USP24: variants seen among roughly 807,000 people sequenced by gnomAD.
USP24 encodes the protein ubiquitin specific peptidase 24.
USP24 carries 97 observed loss-of-function variants against 361.6 expected under a neutral mutation model. That is an observed-to-expected ratio of 0.27 (90% CI 0.23 to 0.32). The LOEUF (loss-of-function observed/expected upper bound fraction) is 0.32, where lower values mean the gene tolerates loss of function less well. USP24 is among the 10% of genes least tolerant of loss of function. USP24 has a pLI of 1.00. For missense variants in USP24, 2,353 were observed against 3,165.6 expected (o/e 0.74, Z 6.16); for synonymous variants, 1,098 against 1,124.6 (o/e 0.98, Z 0.47).
In USP24 at chr1:55,094,484, G is replaced by A. The variant is rs139305973; in HGVS notation, c.6204-397C>T. Among the ~76,000 whole-genome samples, 59 of 152,118 alleles carry A rather than the reference G, an allele frequency of 3.9e-4. 1 individual carries two copies. The highest frequency in any genetic ancestry group is 1.3e-3 in the African/African-American group (55 of 41,514). On this transcript the variant is annotated intron_variant, in intron 51 of 67. Coordinates refer to ENST00000294383, the MANE Select transcript of USP24 (RefSeq NM_015306.3). Reference sequence around the variant, plus strand: ...ATCTTAGAGCCACACACTCAAAGTCGTGTAAGAACAAAGTATTGAACCAAG... The same window carrying A: ...ATCTTAGAGCCACACACTCAAAGTCATGTAAGAACAAAGTATTGAACCAAG...
intron 32 of USP24, among the ~76,000 whole-genome samples, chr1:55,126,060 T>C (rs1315667392): frequency 1.3e-5 from 2 of 152,230 alleles, no homozygotes; most frequent in Non-Finnish European, 2.9e-5. Context: ...AATCCTTCAA[T>C]GGTTTCCTAT....
intron 16 of USP24, chr1:55,152,033 C>G (rs1266820486): frequency 1.0e-6 from 1 of 977,296 alleles, no homozygotes; most frequent in Non-Finnish European, 1.2e-6. Flanking sequence ...ATAATTCACC[C>G]CCCTGCCTGG....
chr1:55,104,218 G>A (rs1645714180), intron 41 of USP24, among the ~76,000 whole-genome samples, 198 bp from the exon 42 acceptor site: 1 of 152,188 alleles, frequency 6.6e-6, no homozygotes, highest in East Asian at 1.9e-4. Context: ...TTGGCCTGAT[G>A]ATAAAGTAGT....
chr1:55,212,313 C>T (rs1453152186), intron 1 of USP24, among the ~76,000 whole-genome samples: 4 of 152,206 alleles, frequency 2.6e-5, no homozygotes, highest in South Asian at 2.1e-4. Context: ...TTTCTCCTTA[C>T]TATCCATACT....
At chr1:55,083,667 C>T in intron 57 of USP24, 105 bp downstream of exon 57, 1 of 865,682 alleles carries the variant, frequency 1.2e-6, no homozygotes, top group Non-Finnish European at 1.8e-6. Context: ...TAGGAAGAAA[C>T]ATCATAAAAA....
In USP24 at chr1:55,196,556, T is replaced by C. The variant is rs886464599; in HGVS notation, c.324+18234A>G. ...TATATTACCCCTGTTAAGAACAGTT[T>C]AATGGTTTAAGTGCTATCTCTAAGT... is the stretch of plus-strand genomic sequence containing the variant. On this transcript the variant is annotated intron_variant, in intron 1 of 67. Coordinates refer to ENST00000294383, the MANE Select transcript of USP24 (RefSeq NM_015306.3). 9.2e-5 allele frequency among the ~76,000 whole-genome samples: 14 copies of C among 152,292 alleles called. No homozygotes were observed. In the East Asian group the frequency reaches 2.7e-3, roughly 29 times the overall value.
chr1:55,103,501 TG>T (rs1221971367), intron 42 of USP24, among the ~76,000 whole-genome samples: 3 of 152,240 alleles, frequency 2.0e-5, no homozygotes, highest in Non-Finnish European at 2.9e-5. Context: ...CAATAAATTT[TG>T]GTTGAATTTA....
chr1:55,096,872 A>G, intron 49 of USP24, 80 bp downstream of exon 49: 1 of 1,504,292 alleles, frequency 6.6e-7, no homozygotes. Flanking sequence ...GTGTCCCTGC[A>G]CCACAGCGGT....
chr1:55,123,557 T>C lies in USP24; in HGVS notation c.4166A>G (p.His1389Arg). 1 of 1,601,464 alleles carries C rather than the reference T, an allele frequency of 6.2e-7. No homozygotes were observed. Among genetic ancestry groups the C allele is most frequent in the Non-Finnish European group, 8.5e-7 (1 of 1,173,862 alleles). The stretch of plus-strand genomic sequence containing the variant: ...CTGTTGTCGAACACAGATTCCCGCA[T>C]GCAGGGCTACTGGTTCTCCTTCACT... ...SGSEGEPVAL[H>R]AGICVRQQSV... is the part of the protein sequence containing the mutation. The change falls in exon 36 of 68, where the codon CAT (histidine) becomes CGT (arginine). Residue 1389 changes from histidine (H) to arginine (R), a missense_variant. Physicochemically the swap from His to Arg is conservative, Grantham distance 29. This residue lies in a region of USP24 where 949 missense variants were observed against 1,280.5 expected (regional missense o/e 0.74). Coordinates refer to ENST00000294383, the MANE Select transcript of USP24 (RefSeq NM_015306.3).
At chr1:55,083,453 A>T in intron 57 of USP24, 89 bp from the exon 58 acceptor site, 1 of 1,213,268 alleles carries the variant, frequency 8.2e-7, no homozygotes, top group Non-Finnish European at 1.2e-6. Context: ...AGTTTTAAGG[A>T]GTCAATATAT....
chr1:55,083,363 T>C lies in USP24; in HGVS notation c.6884A>G (p.Gln2295Arg). The change falls in exon 58 of 68, where the codon CAA becomes CGA. Residue 2295 changes from glutamine to arginine, a missense_variant and splice_region_variant. Gln to Arg is a conservative substitution (Grantham distance 43). Coordinates refer to ENST00000294383, the MANE Select transcript of USP24 (RefSeq NM_015306.3). ...AAGAAGATCTCCAGCCCTAATTCCTTGCTGTCACAAGATATTGAGAATAAC... is the reference window on the plus strand; with the variant it reads ...AAGAAGATCTCCAGCCCTAATTCCTCGCTGTCACAAGATATTGAGAATAAC... Reference protein sequence around the residue: ...FFLFNTFVQKQGIRAGDLLLR... With the variant: ...FFLFNTFVQKRGIRAGDLLLR... The C allele has an allele frequency of 1.9e-6, 3 of 1,613,418 alleles. No individual in the cohort carries two copies. Among genetic ancestry groups the C allele is most frequent in the Non-Finnish European group, 2.5e-6 (3 of 1,179,584 alleles).
At chr1:55,120,447 C>G (rs1646247808) in intron 38 of USP24, 149 bp downstream of exon 38, 1 of 867,524 alleles carries the variant, frequency 1.2e-6, no homozygotes, top group Non-Finnish European at 1.7e-6. Flanking sequence ...CTCTCCTATC[C>G]AAATGCCATC....
chr1:55,084,979 G>T (rs1645221613), intron 56 of USP24, among the ~76,000 whole-genome samples: 1 of 152,190 alleles, frequency 6.6e-6, no homozygotes, highest in Non-Finnish European at 1.5e-5. Context: ...CTTATGTTAA[G>T]GATTCTTGAT....
In USP24 at chr1:55,083,797, A is replaced by G. The variant is rs761483218; in HGVS notation, c.6857T>C (p.Phe2286Ser). 2.0e-5 allele frequency: 32 copies of G among 1,598,910 alleles called. No homozygotes were observed. The highest frequency in any genetic ancestry group is 1.7e-4 in the Middle Eastern group (1 of 6,056). Residue 2286 changes from phenylalanine to serine, a missense_variant, in exon 57 of 68, where the codon TTC (phenylalanine) becomes TCC (serine). By Grantham distance (155) the Phe-to-Ser change is radical. Transcript: ENST00000294383. ...CTTTTGTACAAAAGTGTTGAACAGG[A>G]AAAAGTACTGAGCACAGTTTTTACA... ...ENCKNCAQYF[F>S]LFNTFVQKQG...
Position 55,125,747 on chromosome 1 carries a change from T to C in USP24, c.3647A>G (p.Asn1216Ser). ...LKAGGLSLVVNVMQRDSIPSE... is the reference protein window; with the variant it reads ...LKAGGLSLVVSVMQRDSIPSE... ...TGGGATGGAGTCTCTCTGCATGACATTTACAACCAAACTTCAAAAAGAAGA... is the reference window on the plus strand; with the variant it reads ...TGGGATGGAGTCTCTCTGCATGACACTTACAACCAAACTTCAAAAAGAAGA... The change falls in exon 33 of 68, where the codon AAT becomes AGT. Residue 1216 changes from asparagine to serine, a missense_variant. Transcript: ENST00000294383. The C allele has an allele frequency of 6.3e-7, 1 of 1,580,728 alleles. No individual in the cohort carries two copies. The highest frequency in any genetic ancestry group is 8.6e-7 in the Non-Finnish European group (1 of 1,162,268).
rs1353131396 is a variant in USP24 at position 55,156,968 on chromosome 1, T to C, written c.1426A>G (p.Thr476Ala). The C allele has an allele frequency of 6.2e-7, 1 of 1,612,688 alleles. No individual in the cohort carries two copies. The highest frequency in any genetic ancestry group is 8.5e-7 in the Non-Finnish European group (1 of 1,179,140). Residue 476 changes from threonine to alanine, a missense_variant, in exon 12 of 68, where the codon ACT (threonine) becomes GCT (alanine). By Grantham distance (58) the Thr-to-Ala change is moderately conservative (BLOSUM62 0). This residue lies in a region of USP24 where 386 missense variants were observed against 560.5 expected (regional missense o/e 0.69). Transcript: ENST00000294383. ...LGSKLSLDEL[T>A]KIWKIQSGQS... Reference sequence around the variant, plus strand: ...CCTACCTGTATCTTCCAAATTTTAGTGAGTTCATCTAACGACAATTTACTA... The same window carrying C: ...CCTACCTGTATCTTCCAAATTTTAGCGAGTTCATCTAACGACAATTTACTA...
chr1:55,118,804 G>A (rs190737203), intron 38 of USP24, among the ~76,000 whole-genome samples: 1 of 152,296 alleles, frequency 6.6e-6, no homozygotes. Context: ...ATGATGAGAC[G>A]CTCAACATCA....
Position 55,159,676 on chromosome 1 carries a change from C to T in USP24, c.1003G>A (p.Asp335Asn). Residue 335 changes from aspartate (D) to asparagine (N), a missense_variant, in exon 9 of 68, where the codon GAC (aspartate) becomes AAC (asparagine). Transcript: ENST00000294383. ...LNSSVVQPML[D>N]PVILTTIQDV... ...TGGATTGTAGTAAGAATGACTGGGTCTAGCATGGGCTGTAGAAATAAAATG... is the reference window on the plus strand; with the variant it reads ...TGGATTGTAGTAAGAATGACTGGGTTTAGCATGGGCTGTAGAAATAAAATG... The T allele has an allele frequency of 1.9e-6, 3 of 1,557,418 alleles. No homozygotes were observed. The highest frequency in any genetic ancestry group is 2.6e-6 in the Non-Finnish European group (3 of 1,149,126).
intron 32 of USP24, among the ~76,000 whole-genome samples, chr1:55,128,299 C>T (rs535259853): frequency 1.2e-4 from 19 of 152,262 alleles, no homozygotes; most frequent in African/African-American, 4.3e-4. Context: ...TCCCACTTCC[C>T]TTCATCCTCT....
Sources: gnomAD v4.1 joint callset for allele counts (sites outside exome capture counted in the v4.1 genomes callset) on GRCh38, gnomAD v4.1.1 for gene constraint, gnomAD v4.1.1 regional missense constraint, MANE v1.5 for transcripts, NCBI Gene and HGNC (gene_info 2026-07-23, HGNC 2026-07-21) for gene names.